Variants in PCDHGB1 observed in about 807,000 individuals in gnomAD.
The protein encoded by PCDHGB1 is protocadherin gamma-B1.
Under a neutral mutation model 56.6 loss-of-function variants are expected in PCDHGB1, and 34 were observed. That is an observed-to-expected ratio of 0.60 (90% CI 0.46 to 0.80). The LOEUF is 0.80. Ranked by LOEUF, PCDHGB1 falls within the 30% of genes least tolerant of loss-of-function variation. The pLI is 0.00. For synonymous variants in PCDHGB1, 561 were observed against 505.9 expected, an observed-to-expected ratio of 1.11 and a Z score of -1.46; for missense variants, 1,278 against 1,204.6, an observed-to-expected ratio of 1.06 and a Z score of -0.90.
intron 2 of PCDHGB1, among the ~76,000 whole-genome samples, chr5:141,499,115 C>G (rs940275925): frequency 6.6e-6 from 1 of 152,124 alleles, no homozygotes; most frequent in Non-Finnish European, 1.5e-5. Flanking sequence ...CACCACTATC[C>G]CTTCTCAGGT....
At chr5:141,362,055 G>A (rs762337183) in intron 1 of PCDHGB1, 4 of 1,611,832 alleles carry the variant, frequency 2.5e-6, no homozygotes, top group Non-Finnish European at 3.4e-6. Context: ...CGGCCCGCCA[G>A]CGCCTGCTGG....
chr5:141,399,831 TG>T (rs1368149251), intron 1 of PCDHGB1: 1 of 1,613,172 alleles, frequency 6.2e-7, no homozygotes, highest in South Asian at 1.1e-5. Flanking sequence ...CCGACGGCTC[TG>T]CGCTCTTCGA....
chr5:141,393,578 G>A (rs748225192), intron 1 of PCDHGB1: 2 of 1,613,812 alleles, frequency 1.2e-6, no homozygotes, highest in South Asian at 1.1e-5. Context: ...TTGAGAACAT[G>A]CCCCCAGGCA....
intron 1 of PCDHGB1, chr5:141,399,780 A>C (rs1444494014): frequency 6.2e-7 from 1 of 1,613,170 alleles, no homozygotes; most frequent in Non-Finnish European, 8.5e-7. Flanking sequence ...TGGGCGACCG[A>C]AACGACAACG....
At chr5:141,423,557 G>A (rs1365715281) in intron 1 of PCDHGB1, 4 of 1,613,536 alleles carry the variant, frequency 2.5e-6, no homozygotes, top group East Asian at 2.2e-5. Context: ...CCCAACTATG[G>A]GGACACGCTC....
chr5:141,389,935 C>G (rs1212194328), intron 1 of PCDHGB1: 1 of 1,613,966 alleles, frequency 6.2e-7, no homozygotes, highest in Non-Finnish European at 8.5e-7. Flanking sequence ...GACCTCCAGG[C>G]TGAGCTGCAG....
rs35821115 is a variant in PCDHGB1, at chr5:141,460,961, ATGTG to A, written c.2410-33826_2410-33823del. 3.6e-3 allele frequency among the ~76,000 whole-genome samples: 519 copies of A among 144,600 alleles called. 3 individuals carry two copies. The highest frequency in any genetic ancestry group is 4.3e-3 in the African/African-American group (168 of 38,712). The allele number at this position is 144,600 out of a possible 152,430, so 94.9% of individuals were successfully genotyped here. A position where few individuals can be genotyped will look rare whatever the true frequency, so the allele number is the denominator to read the frequency against. ...ATATATATGTATTATGTATATATAT[ATGTG>A]TGTGTGTGTGTGTGTGTGTATATAT... On this transcript the variant is annotated intron_variant, in intron 1 of 3. Transcript: ENST00000523390.
chr5:141,413,351 C>A (rs774333807), intron 1 of PCDHGB1: 6 of 1,613,932 alleles, frequency 3.7e-6, no homozygotes, highest in South Asian at 1.1e-5. Flanking sequence ...TTGGGTCTGG[C>A]GCCCCGGGAG....
rs961341807 is a variant in PCDHGB1 at position 141,486,262 on chromosome 5, A to G, written c.2410-8545A>G. The G allele has an allele frequency of 6.2e-6, 10 of 1,613,912 alleles. No individual in the cohort carries two copies. Among genetic ancestry groups the G allele is most frequent in the Non-Finnish European group, 8.5e-6 (10 of 1,179,986 alleles). On this transcript the variant is annotated intron_variant, in intron 1 of 3. Transcript: ENST00000523390. This position sits in a 1 kb window ranked among gnomAD's most constrained non-coding sequence, Gnocchi z 5.0. ...AGCTTGGAACCCTCCCCGAGAGTGC[A>G]GAACCTGGCACTGTGGTGGCACTTA...
intron 1 of PCDHGB1, chr5:141,412,746 C>T (rs2095574250): frequency 6.5e-6 from 1 of 154,106 alleles, no homozygotes; most frequent in Non-Finnish European, 1.4e-5. Context: ...ATATATTTAA[C>T]CAAACATTAT....
At chr5:141,364,805 G>A (rs1763547717) in intron 1 of PCDHGB1, 1 of 1,614,018 alleles carries the variant, frequency 6.2e-7, no homozygotes, top group Non-Finnish European at 8.5e-7. Flanking sequence ...CTTCGCGCGG[G>A]ATGCGGATGT....
At chr5:141,429,408 T>A (rs2097213256) in intron 1 of PCDHGB1, among the ~76,000 whole-genome samples, 1 of 151,838 alleles carries the variant, frequency 6.6e-6, no homozygotes, top group Non-Finnish European at 1.5e-5. Flanking sequence ...GAGATTAAGG[T>A]CTCATTATGT....
intron 1 of PCDHGB1, among the ~76,000 whole-genome samples, chr5:141,429,629 C>G (rs2097230011): frequency 1.3e-5 from 2 of 152,160 alleles, no homozygotes; most frequent in Admixed American, 1.3e-4. Flanking sequence ...TATTTTCTCA[C>G]AGCTACCTAT....
At chr5:141,366,064 G>A (rs761173450) in intron 1 of PCDHGB1, 4 of 1,614,106 alleles carry the variant, frequency 2.5e-6, no homozygotes, top group African/African-American at 1.3e-5. Flanking sequence ...TGGAGCTGGC[G>A]CCTCGCTCCG....
intron 1 of PCDHGB1, among the ~76,000 whole-genome samples, chr5:141,434,195 T>C (rs1561872734): frequency 6.6e-6 from 1 of 151,916 alleles, no homozygotes; most frequent in Non-Finnish European, 1.5e-5. Flanking sequence ...AATTCCAATG[T>C]ACTTACTTCT....
intron 1 of PCDHGB1, chr5:141,357,740 T>G: frequency 2.3e-6 from 3 of 1,285,732 alleles, no homozygotes; most frequent in Non-Finnish European, 3.2e-6. Flanking sequence ...ATTTTATTGC[T>G]TTAAAGAAAA....
At chr5:141,419,029 T>C in intron 1 of PCDHGB1, 1 of 1,613,886 alleles carries the variant, frequency 6.2e-7, no homozygotes, top group Non-Finnish European at 8.5e-7. Flanking sequence ...GTAGAGGTGT[T>C]CCATTTAAGA....
At chr5:141,388,800 G>T (rs1193679536) in intron 1 of PCDHGB1, 1 of 1,613,896 alleles carries the variant, frequency 6.2e-7, no homozygotes, top group Non-Finnish European at 8.5e-7. Context: ...AAATACATTA[G>T]ATTTTGAAGA....
intron 1 of PCDHGB1, chr5:141,383,555 A>G: frequency 6.2e-7 from 1 of 1,611,868 alleles, no homozygotes; most frequent in East Asian, 2.2e-5. Context: ...GATGGCGGCG[A>G]CCCGCCCCGA....
Sources: allele counts gnomAD v4.1 joint callset (sites outside exome capture counted in the v4.1 genomes callset), GRCh38; gene constraint gnomAD v4.1.1; non-coding constraint Gnocchi (gnomAD v3.1); transcripts MANE v1.5; gene names NCBI Gene and HGNC (gene_info 2026-07-23, HGNC 2026-07-21).